TEP1: variants seen among roughly 807,000 people sequenced by gnomAD.
The protein encoded by TEP1 is telomerase associated protein 1.
TEP1 carries 241 observed loss-of-function variants against 306.3 expected under a neutral mutation model. The ratio of observed to expected loss-of-function variants is 0.79; its 90% CI spans 0.71 to 0.88. The LOEUF is 0.88. Among genes scored for constraint, TEP1 ranks in the 40% least tolerant of loss-of-function variants. TEP1 has a pLI of 0.00. For missense variants in TEP1, 3,051 were observed against 3,276.1 expected, an observed-to-expected ratio of 0.93 and a Z score of 1.68; for synonymous variants, 1,289 against 1,305.5, an observed-to-expected ratio of 0.99 and a Z score of 0.27.
At chr14:20,382,199 C>T (rs775562864) in intron 29 of TEP1, 25 bp downstream of exon 29, 1 of 1,614,074 alleles carries the variant, frequency 6.2e-7, no homozygotes, top group Non-Finnish European at 8.5e-7. Context: ...CTCAGCCTCC[C>T]AACCAACCCA....
Position 20,377,712 on chromosome 14 carries a change from G to A in TEP1, c.5763C>T (p.His1921=), listed in dbSNP as rs1885270405. The change falls in exon 40 of 55, where the codon CAC becomes CAT. Residue 1921 remains histidine, a synonymous_variant. Transcript: ENST00000262715. ...CAGGAGAGAGAGAAAGGGAACCCAG[G>A]TGCCCACGGGGCCGACCCAGAGACC... ...WSGSLGRPRG[H]LGSLSLSPAL... The A allele has an allele frequency of 6.2e-7, 1 of 1,613,944 alleles. No individual in the cohort carries two copies. Among genetic ancestry groups the A allele is most frequent in the Non-Finnish European group, 8.5e-7 (1 of 1,179,968 alleles).
Position 20,405,424 on chromosome 14 carries a change from C to T in TEP1, c.870+27G>A, listed in dbSNP as rs754740004. ...ACTCCCAGTCTACCAGCTTCACACC[C>T]CCATCCCCTCCTTCACACCTCAATA... On this transcript the variant is annotated intron_variant, in intron 4 of 54. Coordinates refer to ENST00000262715, the MANE Select transcript of TEP1 (RefSeq NM_007110.5). The T allele has an allele frequency of 7.4e-6, 12 of 1,612,416 alleles. No individual in the cohort carries two copies. The Admixed American group carries it at 1.8e-4, about 25-fold the overall frequency.
rs777079242 is a variant in TEP1 at position 20,379,114 on chromosome 14, G to C, written c.5128-9C>G. 9 of 1,613,638 alleles carry C rather than the reference G, an allele frequency of 5.6e-6. No individual in the cohort carries two copies. Among genetic ancestry groups the C allele is most frequent in the African/African-American group, 1.3e-5 (1 of 74,946 alleles). On this transcript the variant is annotated splice_polypyrimidine_tract_variant and intron_variant, in intron 35 of 54. Coordinates refer to ENST00000262715, the MANE Select transcript of TEP1 (RefSeq NM_007110.5). Reference sequence around the variant, plus strand: ...ACCACAGACTTCTCCTCCTGCGACAGTGGGTGAGGGAGCGCAGCTCAGGCC... The same window carrying C: ...ACCACAGACTTCTCCTCCTGCGACACTGGGTGAGGGAGCGCAGCTCAGGCC...
intron 18 of TEP1, among the ~76,000 whole-genome samples, chr14:20,387,609 A>C (rs556522203): frequency 1.4e-4 from 21 of 152,036 alleles, no homozygotes; most frequent in South Asian, 6.2e-4. Context: ...TGGCAAAGCC[A>C]CAATGAAAAA....
At chr14:20,380,867 C>T (rs1448692377) in intron 33 of TEP1, 64 bp downstream of exon 33, 1 of 1,360,232 alleles carries the variant, frequency 7.4e-7, no homozygotes, top group Admixed American at 1.7e-5. Flanking sequence ...CTGAGCAGGG[C>T]CCCCATAAGC....
At position 20,383,354 on chromosome 14, in the gene TEP1, C is replaced by A; in HGVS notation, c.3868-1G>T. 6.2e-7 allele frequency: 1 copy of A among 1,603,450 alleles called. No homozygotes were observed. Among genetic ancestry groups the A allele is most frequent in the Non-Finnish European group, 8.5e-7 (1 of 1,174,098 alleles). On this transcript the variant is annotated splice_acceptor_variant, in intron 26 of 54. Coordinates refer to ENST00000262715, the MANE Select transcript of TEP1 (RefSeq NM_007110.5). LOFTEE classifies it high-confidence loss of function. Reference sequence around the variant, plus strand: ...ACACACTCAGCACCAGGTGTACACACTGTGATATTTGGGCAAAGGGGCAGG... The same window carrying A: ...ACACACTCAGCACCAGGTGTACACAATGTGATATTTGGGCAAAGGGGCAGG...
At chr14:20,368,664 T>C in intron 54 of TEP1, 105 bp from the exon 55 acceptor site, 3 of 1,549,730 alleles carry the variant, frequency 1.9e-6, no homozygotes, top group Non-Finnish European at 2.6e-6. Context: ...TAGTCATACA[T>C]TGCAAGTGAT....
At position 20,388,234 on chromosome 14, in the gene TEP1, T is replaced by G. The variant is rs554040674; in HGVS notation, c.2526-171A>C. Among the ~76,000 whole-genome samples the G allele has an allele frequency of 1.6e-4, 24 of 152,316 alleles. No homozygotes were observed. In the South Asian group the frequency reaches 5.0e-3, roughly 32 times the overall value. Reference sequence around the variant, plus strand: ...TATGCAGACTTAAAATAAATGAGGATGCAGAACCACAGGAATGAAGGAAAA... The same window carrying G: ...TATGCAGACTTAAAATAAATGAGGAGGCAGAACCACAGGAATGAAGGAAAA... On this transcript the variant is annotated intron_variant, in intron 17 of 54. Coordinates refer to ENST00000262715, the MANE Select transcript of TEP1 (RefSeq NM_007110.5).
At chr14:20,368,600 C>T (rs1288453593) in intron 54 of TEP1, 41 bp from the exon 55 acceptor site, 1 of 1,609,208 alleles carries the variant, frequency 6.2e-7, no homozygotes, top group Non-Finnish European at 8.5e-7. Flanking sequence ...GGGCTACAAG[C>T]CTCCTTACTA....
chr14:20,391,130 C>T lies in TEP1; in HGVS notation c.2098-34G>A, dbSNP rs368480951. On this transcript the variant is annotated intron_variant, in intron 13 of 54. Transcript: ENST00000262715. ...ACAAGTGTCAGGGGAAATAAAGCTC[C>T]CCTGCTTTGGAATTCACCCTTGCCC... 8.7e-6 allele frequency: 14 copies of T among 1,607,542 alleles called. No homozygotes were observed. The African/African-American group carries it at 1.1e-4, about 12-fold the overall frequency.
Position 20,395,879 on chromosome 14 carries a change from T to A in TEP1, c.1730A>T (p.Glu577Val), listed in dbSNP as rs1417427571. ...AATACCTTGATTTCTGAGTTGAGCC[T>A]CGAGGGCATCAATGGCATCATGGGC... is the stretch of plus-strand genomic sequence containing the variant. ...LNAHDAIDAL[E>V]AQLRNQALPF... Residue 577 changes from glutamate to valine, a missense_variant, in exon 11 of 55, where the codon GAG (glutamate) becomes GTG (valine). By Grantham distance (121) the Glu-to-Val change is moderately radical (BLOSUM62 -2). Around this residue, in one of 3 missense-constraint regions of TEP1, gnomAD observed 1,507 missense variants for 1,550.5 expected, o/e 0.97. Coordinates refer to ENST00000262715, the MANE Select transcript of TEP1 (RefSeq NM_007110.5). The A allele has an allele frequency of 5.6e-6, 9 of 1,614,004 alleles. No individual in the cohort carries two copies. Among genetic ancestry groups the A allele is most frequent in the Non-Finnish European group, 7.6e-6 (9 of 1,179,956 alleles).
intron 1 of TEP1, among the ~76,000 whole-genome samples, chr14:20,410,940 G>A (rs1879641310): frequency 6.6e-6 from 1 of 150,924 alleles, no homozygotes; most frequent in African/African-American, 2.4e-5. Context: ...TCCTGCCTCA[G>A]CCCCCCAAGT....
At chr14:20,391,890 G>A (rs1211947864) in intron 12 of TEP1, 123 bp from the exon 13 acceptor site, 37 of 995,248 alleles carry the variant, frequency 3.7e-5, no homozygotes, top group South Asian at 2.5e-4. Flanking sequence ...CACCATACCC[G>A]CTTCCACAGC....
At position 20,384,714 on chromosome 14, in the gene TEP1, C is replaced by T. The variant is rs1456603010; in HGVS notation, c.3108-1G>A. 6.2e-7 allele frequency: 1 copy of T among 1,609,394 alleles called. No homozygotes were observed. On this transcript the variant is annotated splice_acceptor_variant, in intron 21 of 54. Coordinates refer to ENST00000262715, the MANE Select transcript of TEP1 (RefSeq NM_007110.5). LOFTEE classifies it high-confidence loss of function. ...AGATTTCCAGGCATCTGGCACAGAG[C>T]TGACCACCAAAGACCCCAAAAGTTG...
At position 20,377,169 on chromosome 14, in the gene TEP1, C is replaced by T. The variant is rs532426853; in HGVS notation, c.6088+111G>A. On this transcript the variant is annotated intron_variant, in intron 41 of 54. Transcript: ENST00000262715. ...GGCAGAAGTTGCAGTGAGCCGAGACCGTACCACTGCACTCTAGCCTGGGCA... is the reference window on the plus strand; with the variant it reads ...GGCAGAAGTTGCAGTGAGCCGAGACTGTACCACTGCACTCTAGCCTGGGCA... 239 of 895,858 alleles carry T rather than the reference C, an allele frequency of 2.7e-4. 3 individuals are homozygous for T. The South Asian group carries it at 3.2e-3, about 12-fold the overall frequency. The allele number at this position is 895,858 out of a possible 1,614,324, so 55.5% of individuals were successfully genotyped here. A position where few individuals can be genotyped will look rare whatever the true frequency, so the allele number is the denominator to read the frequency against.
chr14:20,400,497 C>CAAAAAAAAAAAAAAAAAA (rs71108598), intron 9 of TEP1, among the ~76,000 whole-genome samples: 8 of 85,484 alleles, frequency 9.4e-5, no homozygotes, highest in Non-Finnish European at 1.8e-4. Flanking sequence ...AAAAGTAGAC[C>CAAAAAAAAAAAAAAAAAA]AAAAAAAAAA....
chr14:20,372,812 A>T lies in TEP1; in HGVS notation c.6997T>A (p.Phe2333Ile). The T allele has an allele frequency of 1.2e-6, 2 of 1,614,186 alleles. No individual in the cohort carries two copies. Among genetic ancestry groups the T allele is most frequent in the South Asian group, 2.2e-5 (2 of 91,078 alleles). ...TTCTCATCAGCACTGAGGACAAAAA[A>T]GGTGTGTGCCGAGGACCAGATCAGA... ...GALIWSSAHTFFVLSADEKIS... is the reference protein window; with the variant it reads ...GALIWSSAHTIFVLSADEKIS... The change falls in exon 49 of 55, where the codon TTT becomes ATT. Residue 2333 changes from phenylalanine to isoleucine, a missense_variant. Around this residue, in one of 3 missense-constraint regions of TEP1, gnomAD observed 1,540 missense variants for 1,705.9 expected, o/e 0.90. Coordinates refer to ENST00000262715, the MANE Select transcript of TEP1 (RefSeq NM_007110.5).
chr14:20,378,646 CCTT>C, intron 37 of TEP1, 105 bp downstream of exon 37: 1 of 1,576,344 alleles, frequency 6.3e-7, no homozygotes, highest in Non-Finnish European at 8.7e-7. Flanking sequence ...GCAGGGAAGG[CCTT>C]CTCTGGCCAG....
chr14:20,380,088 AC>A, intron 34 of TEP1, 35 bp from the exon 35 acceptor site: 1 of 1,600,988 alleles, frequency 6.2e-7, no homozygotes, highest in East Asian at 2.2e-5. Flanking sequence ...GAGGAAATAA[AC>A]GAGAGAATGC....
Sources: allele counts gnomAD v4.1 joint callset (sites outside exome capture counted in the v4.1 genomes callset), GRCh38; gene constraint gnomAD v4.1.1; regional missense constraint gnomAD v4.1.1; transcripts MANE v1.5; gene names NCBI Gene and HGNC (gene_info 2026-07-23, HGNC 2026-07-21).